Variants in CMIP observed in about 807,000 individuals in gnomAD.
CMIP encodes the protein C-Maf-inducing protein.
Under a neutral mutation model 97.3 loss-of-function variants are expected in CMIP, and 13 were observed. The ratio of observed to expected loss-of-function variants is 0.13; its 90% confidence interval spans 0.09 to 0.21. The LOEUF (loss-of-function observed/expected upper bound fraction) is 0.21. CMIP is among the 10% of genes least tolerant of loss of function. CMIP has a pLI of 1.00. For synonymous variants in CMIP, 538 were observed against 436.3 expected (o/e 1.23, Z -2.91); for missense variants, 847 against 1,024.9 (o/e 0.83, Z 2.37).
intron 1 of CMIP, chr16:81,464,409 C>G (rs1047239623): frequency 6.6e-6 from 1 of 152,214 alleles, no homozygotes; most frequent in African/African-American, 2.4e-5. Flanking sequence ...CAGTCGCTGT[C>G]CCTACCCCGG....
chr16:81,533,277 G>A (rs1305264473), intron 1 of CMIP, among the ~76,000 whole-genome samples: 4 of 152,214 alleles, frequency 2.6e-5, no homozygotes, highest in Non-Finnish European at 4.4e-5. Flanking sequence ...ACAGGGCCTG[G>A]CACCTGCTAG....
intron 1 of CMIP, among the ~76,000 whole-genome samples, chr16:81,515,619 G>C (rs1384492743): frequency 6.6e-6 from 1 of 152,196 alleles, no homozygotes; most frequent in Non-Finnish European, 1.5e-5. Context: ...CTCAAATGAA[G>C]CATCACCGGC....
At chr16:81,560,227 T>TG (rs200390441) in intron 1 of CMIP, among the ~76,000 whole-genome samples, 66,722 of 146,954 alleles carry the variant, frequency 0.45, 16,464 homozygotes, top group Non-Finnish European at 0.55. Context: ...TGTTTTGTTT[T>TG]TTTTTTTTTG....
intron 9 of CMIP, 64 bp downstream of exon 9, chr16:81,672,134 G>T: frequency 1.0e-6 from 1 of 967,600 alleles, no homozygotes; most frequent in South Asian, 1.4e-5. Context: ...CCCCATCATG[G>T]GCAAAGTCAC....
At chr16:81,636,603 T>C (rs1394042215) in intron 3 of CMIP, among the ~76,000 whole-genome samples, 1 of 137,660 alleles carries the variant, frequency 7.3e-6, no homozygotes, top group African/African-American at 2.6e-5. Context: ...AAAAAAAAAG[T>C]ATGGCATTCT....
intron 1 of CMIP, among the ~76,000 whole-genome samples, chr16:81,586,061 A>T (rs2091377103): frequency 7.2e-6 from 1 of 139,056 alleles, no homozygotes; most frequent in Non-Finnish European, 1.5e-5. Flanking sequence ...CTCTAGCTTC[A>T]GGGATTGGTC....
chr16:81,645,753 C>T, intron 3 of CMIP: 1 of 772,296 alleles, frequency 1.3e-6, no homozygotes, highest in Non-Finnish European at 2.2e-6. Flanking sequence ...TGAGTTCTAC[C>T]TCCCTGGACT....
At chr16:81,666,969 T>TG (rs35053029) in intron 7 of CMIP, 23,542 of 138,668 alleles carry the variant, frequency 0.17, 2,022 homozygotes, top group East Asian at 0.39. Flanking sequence ...TCAGCTGGTG[T>TG]GGGGGGGGGG....
At chr16:81,587,308 C>T (rs2091398627) in intron 1 of CMIP, among the ~76,000 whole-genome samples, 3 of 152,198 alleles carry the variant, frequency 2.0e-5, no homozygotes, top group African/African-American at 7.2e-5. Flanking sequence ...TTTGAAACAC[C>T]ACCTCTGCTC....
rs1177014959 is a variant in CMIP, at chr16:81,627,078, ATGTG to A, written c.477+6155_477+6158del. Among the ~76,000 whole-genome samples, 1 of 75,686 alleles carries A rather than the reference ATGTG, an allele frequency of 1.3e-5. No homozygotes were observed. Among genetic ancestry groups the A allele is most frequent in the Non-Finnish European group, 2.6e-5 (1 of 38,474 alleles). The allele number at this position is 75,686 out of a possible 152,430, so 49.7% of individuals were successfully genotyped here. ...GACTGTTTTATGTGTGTGTTTGTGT[ATGTG>A]TGGTGTGTGGGGGTGACTGTGAGAG... On this transcript the variant is annotated intron_variant, in intron 3 of 20. Transcript: ENST00000537098. This position sits in a 1 kb window ranked among gnomAD's most constrained non-coding sequence, Gnocchi z 4.6.
In CMIP at chr16:81,709,894, G is replaced by C; in HGVS notation, c.*95G>C. On this transcript the variant is annotated 3_prime_UTR_variant, in exon 21 of 21. Coordinates refer to ENST00000537098, the MANE Select transcript of CMIP (RefSeq NM_198390.3). ...CAGCCGGTCCTGGGGTCCCACCCTG[G>C]TGCCCTGGCTGTGAGATAGATGGGG... The C allele has an allele frequency of 7.8e-7, 1 of 1,280,818 alleles. No homozygotes were observed. Among genetic ancestry groups the C allele is most frequent in the Non-Finnish European group, 1.1e-6 (1 of 913,628 alleles). The allele number at this position is 1,280,818 out of a possible 1,614,324, so 79.3% of individuals were successfully genotyped here. A position where few individuals can be genotyped will look rare whatever the true frequency, so the allele number is the denominator to read the frequency against.
At chr16:81,680,017 A>G (rs1399388511) in intron 10 of CMIP, among the ~76,000 whole-genome samples, 1 of 152,224 alleles carries the variant, frequency 6.6e-6, no homozygotes, top group Non-Finnish European at 1.5e-5. Context: ...TTTTGAATCC[A>G]GAGACAGGCA....
At chr16:81,488,192 T>C (rs142627421) in intron 1 of CMIP, among the ~76,000 whole-genome samples, 13 of 152,272 alleles carry the variant, frequency 8.5e-5, no homozygotes, top group African/African-American at 2.4e-4. Flanking sequence ...ATTAGCTCCG[T>C]GACCGTAGCA....
intron 1 of CMIP, among the ~76,000 whole-genome samples, chr16:81,524,697 C>T (rs2925989): frequency 4.6e-5 from 7 of 152,248 alleles, no homozygotes; most frequent in Non-Finnish European, 1.0e-4. Flanking sequence ...TCAGAGCCAC[C>T]CAGCGACTCA....
intron 1 of CMIP, 123 bp downstream of exon 1, chr16:81,445,664 G>A: frequency 9.1e-7 from 1 of 1,099,456 alleles, no homozygotes; most frequent in South Asian, 1.6e-5. Context: ...GGTGCCGGGG[G>A]AACGGGGAGA....
chr16:81,605,838 C>T (rs2091734892), intron 1 of CMIP, among the ~76,000 whole-genome samples: 1 of 152,256 alleles, frequency 6.6e-6, no homozygotes, highest in Non-Finnish European at 1.5e-5. Flanking sequence ...ACTGCTGAAT[C>T]TCCAGCACCT....
intron 1 of CMIP, among the ~76,000 whole-genome samples, chr16:81,502,506 C>T (rs191264898): frequency 7.9e-5 from 12 of 152,278 alleles, no homozygotes; most frequent in Non-Finnish European, 5.9e-5. Context: ...GAGATGTCCT[C>T]GTTCATTAAC....
chr16:81,701,371 TC>T (rs1458849087), intron 15 of CMIP, among the ~76,000 whole-genome samples: 1 of 151,964 alleles, frequency 6.6e-6, no homozygotes, highest in Non-Finnish European at 1.5e-5. Flanking sequence ...CCTGCAAACA[TC>T]CCCCGGGGGC....
chr16:81,468,257 C>T (rs1444612697), intron 1 of CMIP, among the ~76,000 whole-genome samples: 1 of 152,326 alleles, frequency 6.6e-6, no homozygotes, highest in Non-Finnish European at 1.5e-5. Context: ...AGCCTGTCTT[C>T]AAGATAAACT....
Sources: allele counts gnomAD v4.1 joint callset (sites outside exome capture counted in the v4.1 genomes callset), GRCh38; gene constraint gnomAD v4.1.1; non-coding constraint Gnocchi (gnomAD v3.1); transcripts MANE v1.5; gene names NCBI Gene and HGNC (gene_info 2026-07-23, HGNC 2026-07-21).